The following MTCL1 variants were observed in gnomAD, a reference collection of about 807,000 sequenced individuals.
MTCL1 encodes the protein microtubule cross-linking factor 1.
In MTCL1, 79 loss-of-function variants were observed where a neutral mutation model predicts 141.4. The observed-to-expected ratio is 0.56, with a 90% CI of 0.47 to 0.67. The LOEUF is 0.67. Among genes scored for constraint, MTCL1 ranks in the 30% least tolerant of loss-of-function variants. MTCL1 has a pLI of 0.00. For synonymous variants in MTCL1, 914 were observed against 875.8 expected (o/e 1.04, Z -0.77); for missense variants, 2,177 against 2,113.9 (o/e 1.03, Z -0.59).
intron 6 of MTCL1, 146 bp from the exon 6 acceptor site, chr18:8,785,790 T>C: frequency 1.1e-6 from 1 of 918,480 alleles, no homozygotes; most frequent in East Asian, 2.7e-5. Context: ...GTGCTGTTCT[T>C]TGGTCGTTTT....
exon 12 of MTCL1, chr18:8,813,168 C>G: frequency 1.9e-6 from 3 of 1,613,738 alleles, no homozygotes; most frequent in Non-Finnish European, 2.5e-6. Flanking sequence ...ACTTCTCGAC[C>G]GCCTGGACAG....
At chr18:8,756,135 T>TA (rs774253657) in intron 4 of MTCL1, among the ~76,000 whole-genome samples, 1 of 151,878 alleles carries the variant, frequency 6.6e-6, no homozygotes, top group African/African-American at 2.4e-5. Flanking sequence ...AGACCCTCTC[T>TA]AAAAAAATAA....
chr18:8,829,081 C>A, intron 16 of MTCL1: 1 of 1,563,090 alleles, frequency 6.4e-7, no homozygotes, highest in South Asian at 1.2e-5. Context: ...TACCCTCGCT[C>A]ACCCCAAGTT....
chr18:8,759,140 A>G (rs923447877), intron 4 of MTCL1, among the ~76,000 whole-genome samples: 1 of 152,238 alleles, frequency 6.6e-6, no homozygotes, highest in Non-Finnish European at 1.5e-5. Flanking sequence ...GGAAAGACTT[A>G]AGTAGCAGAT....
At chr18:8,775,408 TAAA>T (rs780102071) in intron 4 of MTCL1, among the ~76,000 whole-genome samples, 7 of 92,966 alleles carry the variant, frequency 7.5e-5, no homozygotes, top group Non-Finnish European at 6.7e-5. Flanking sequence ...TCGTCTCTAC[TAAA>T]AAAAAAAAAA....
rs376600763 is a variant in MTCL1, at chr18:8,767,756, G to GA, written c.358-10064dup. On this transcript the variant is annotated intron_variant, in intron 4 of 16. Transcript: ENST00000359865. ...TAAAAAATGAGAACCTTTCTGATTT[G>GA]AAAAAAAAAAAAATTAATCTTGACT... Among the ~76,000 whole-genome samples, 431 of 136,126 alleles carry GA rather than the reference G, an allele frequency of 3.2e-3. 1 individual carries two copies. The highest frequency in any genetic ancestry group is 7.8e-3 in the African/African-American group (288 of 36,992). The allele number at this position is 136,126 out of a possible 152,430, so 89.3% of individuals were successfully genotyped here. A position where few individuals can be genotyped will look rare whatever the true frequency, so the allele number is the denominator to read the frequency against.
intron 4 of MTCL1, among the ~76,000 whole-genome samples, chr18:8,732,282 T>C (rs2096254636): frequency 6.6e-6 from 1 of 152,024 alleles, no homozygotes; most frequent in South Asian, 2.1e-4. Context: ...TATTTATTTA[T>C]TTATTTTTTA....
At chr18:8,786,365 T>C (rs2096555754) in intron 7 of MTCL1, 1 of 654,702 alleles carries the variant, frequency 1.5e-6, no homozygotes, top group Non-Finnish European at 2.8e-6. Context: ...CGGGAGCACC[T>C]GGAAGTAGGC....
chr18:8,807,069 C>T lies in MTCL1; in HGVS notation c.2604+9C>T. 6.2e-7 allele frequency: 1 copy of T among 1,608,872 alleles called. No homozygotes were observed. Among genetic ancestry groups the T allele is most frequent in the Non-Finnish European group, 8.5e-7 (1 of 1,177,344 alleles). ...AGTGCCGTCTGGAACAGGTACCACC[C>T]TCCCAGGTCTCCCTCGATCCTGACT... On this transcript the variant is annotated intron_variant, in intron 11 of 16. Coordinates refer to ENST00000359865, the Ensembl canonical transcript of MTCL1.
intron 13 of MTCL1, 104 bp from the exon 13 acceptor site, chr18:8,821,363 G>A: frequency 1.4e-6 from 1 of 715,720 alleles, no homozygotes; most frequent in South Asian, 1.6e-5. Flanking sequence ...CATTTTAAAT[G>A]GTGGTTTCCT....
At chr18:8,710,130 G>A (rs1449721841) in intron 1 of MTCL1, among the ~76,000 whole-genome samples, 3 of 152,130 alleles carry the variant, frequency 2.0e-5, no homozygotes, top group Non-Finnish European at 2.9e-5. Context: ...ATGAGCCACC[G>A]CGCCCGGCCT....
chr18:8,777,721 G>C (rs2096516868), intron 4 of MTCL1, 112 bp from the exon 4 acceptor site: 1 of 844,584 alleles, frequency 1.2e-6, no homozygotes, highest in African/African-American at 1.7e-5. Context: ...GATTCTGGTG[G>C]GAAACAGCCT....
intron 4 of MTCL1, among the ~76,000 whole-genome samples, chr18:8,749,624 C>G (rs2096360038): frequency 6.6e-6 from 1 of 152,168 alleles, no homozygotes; most frequent in South Asian, 2.1e-4. Context: ...TGGGCAGATC[C>G]AATGGTGGGC....
intron 13 of MTCL1, among the ~76,000 whole-genome samples, chr18:8,820,364 C>A (rs796231348): frequency 6.6e-6 from 1 of 151,866 alleles, no homozygotes; most frequent in Non-Finnish European, 1.5e-5. Flanking sequence ...GAGCCAAGAT[C>A]GCGCCACTGC....
chr18:8,773,374 T>C (rs2096492561), intron 4 of MTCL1, among the ~76,000 whole-genome samples: 2 of 152,146 alleles, frequency 1.3e-5, no homozygotes, highest in African/African-American at 4.8e-5. Context: ...TGAAAAAAAA[T>C]CTTGTTTTAA....
At chr18:8,798,221 A>G in exon 10 of MTCL1, 1 of 1,597,238 alleles carries the variant, frequency 6.3e-7, no homozygotes. Context: ...CACTCCCCAC[A>G]CTCCCGGGTG....
At chr18:8,825,846 C>G (rs1314959420) in exon 15 of MTCL1, 3 of 1,614,112 alleles carry the variant, frequency 1.9e-6, no homozygotes, top group African/African-American at 2.7e-5. Flanking sequence ...CCTCTCCAGC[C>G]TCTTCAACAT....
chr18:8,751,681 G>A (rs1036768048), intron 4 of MTCL1, among the ~76,000 whole-genome samples: 3 of 152,224 alleles, frequency 2.0e-5, no homozygotes, highest in African/African-American at 7.2e-5. Flanking sequence ...CGGGGTAGGT[G>A]TGAGGCAGAT....
intron 4 of MTCL1, among the ~76,000 whole-genome samples, chr18:8,756,505 GTATA>G (rs1165562666): frequency 6.7e-6 from 1 of 150,222 alleles, no homozygotes; most frequent in South Asian, 2.1e-4. Context: ...ATATATGTGT[GTATA>G]TATATGTGTG....
Sources: gnomAD v4.1 joint callset for allele counts (sites outside exome capture counted in the v4.1 genomes callset) on GRCh38, gnomAD v4.1.1 for gene constraint, MANE v1.5 for transcripts, NCBI Gene and HGNC (gene_info 2026-07-23, HGNC 2026-07-21) for gene names.